XXYLT1: variants seen among roughly 807,000 people sequenced by gnomAD.
The protein encoded by XXYLT1 is UDP-xylose:alpha-xyloside alpha-1,3-xylosyltransferase.
A neutral mutation model predicts 28.9 loss-of-function variants in XXYLT1; 20 were observed. That is an observed-to-expected ratio of 0.69 (90% CI 0.49 to 1.00). The LOEUF (loss-of-function observed/expected upper bound fraction) is 1.00, where lower values mean the gene tolerates loss of function less well. XXYLT1 is among the 50% of genes least tolerant of loss of function. XXYLT1 has a pLI of 0.00. For missense variants in XXYLT1, 542 were observed against 560.1 expected (o/e 0.97, Z 0.33); for synonymous variants, 257 against 253.8 (o/e 1.01, Z -0.12).
intron 3 of XXYLT1, chr3:195,134,641 A>G (rs1719072532): frequency 6.4e-6 from 1 of 155,912 alleles, no homozygotes; most frequent in Non-Finnish European, 1.5e-5. Flanking sequence ...GACAAGATTA[A>G]TCTTCAGGAT....
Position 195,176,766 on chromosome 3 carries a change from T to C in XXYLT1, c.653-20185A>G, listed in dbSNP as rs551488848. Among the ~76,000 whole-genome samples, 7 of 152,144 alleles carry C rather than the reference T, an allele frequency of 4.6e-5. No individual in the cohort carries two copies. Among genetic ancestry groups the C allele is most frequent in the Non-Finnish European group, 1.0e-4 (7 of 68,024 alleles). On this transcript the variant is annotated intron_variant, in intron 2 of 3. Transcript: ENST00000310380. This position sits in a 1 kb window ranked among gnomAD's most constrained non-coding sequence, Gnocchi z 4.9. ...AGATGTTTGGGGTTGGAATTGACAA[T>C]ATGAAAAGCTCAGTAAGAAGACGCA...
chr3:195,263,643 CT>C (rs1356589373), intron 1 of XXYLT1, among the ~76,000 whole-genome samples: 1 of 152,154 alleles, frequency 6.6e-6, no homozygotes, highest in Admixed American at 6.5e-5. Context: ...AATATCTTTC[CT>C]TTCTAAATTA....
intron 1 of XXYLT1, among the ~76,000 whole-genome samples, chr3:195,252,183 T>C (rs1191819777): frequency 6.6e-6 from 1 of 152,262 alleles, no homozygotes. Flanking sequence ...ATATATATTT[T>C]ATGCATACAT....
intron 2 of XXYLT1, chr3:195,183,523 G>T (rs1722045645): frequency 6.6e-6 from 1 of 152,220 alleles, no homozygotes. Flanking sequence ...GACGAATACA[G>T]TGTGTCTCCC....
chr3:195,250,552 G>A (rs555065590), intron 1 of XXYLT1, among the ~76,000 whole-genome samples: 1 of 145,186 alleles, frequency 6.9e-6, no homozygotes, highest in South Asian at 2.2e-4. Context: ...CGGCAAGAGT[G>A]CAACTCCATC....
At position 195,262,234 on chromosome 3, in the gene XXYLT1, A is replaced by G. The variant is rs1344766413; in HGVS notation, c.504+8321T>C. On this transcript the variant is annotated intron_variant, in intron 1 of 3. Transcript: ENST00000310380. ...TAGGCTAAAAGAAGCCAGACACAAA[A>G]GACCACATATTAGCTGAGCCCACTT... Among the ~76,000 whole-genome samples, 3 of 152,246 alleles carry G rather than the reference A, an allele frequency of 2.0e-5. No homozygotes were observed. The East Asian group carries it at 5.8e-4, about 29-fold the overall frequency.
intron 3 of XXYLT1, among the ~76,000 whole-genome samples, chr3:195,109,423 GT>G (rs761556591): frequency 1.4e-4 from 21 of 150,784 alleles, no homozygotes; most frequent in Admixed American, 3.3e-4. Flanking sequence ...TGGTGTGTGT[GT>G]TGGTGGTGTA....
intron 3 of XXYLT1, among the ~76,000 whole-genome samples, chr3:195,109,809 A>AGTGTGTGTGTG (rs1368737350): frequency 0.13 from 3,763 of 28,844 alleles, 1,043 homozygotes; most frequent in African/African-American, 0.34. Flanking sequence ...GTGGTGTATG[A>AGTGTGTGTGTG]GTGTGTGTGT....
Position 195,124,792 on chromosome 3 carries a change from A to C in XXYLT1, c.785+31657T>G, listed in dbSNP as rs948444597. On this transcript the variant is annotated intron_variant, in intron 3 of 3. Transcript: ENST00000310380. This position sits in a 1 kb window ranked among gnomAD's most constrained non-coding sequence, Gnocchi z 4.1. ...CCAGGTTCCAGGGACCACAACTCCC[A>C]CTAGAGCCAAGCAGCGTACGGACAG... Among the ~76,000 whole-genome samples, 1 of 152,126 alleles carries C rather than the reference A, an allele frequency of 6.6e-6. No individual in the cohort carries two copies. The highest frequency in any genetic ancestry group is 6.5e-5 in the Admixed American group (1 of 15,276).
At chr3:195,109,385 TAA>T (rs2108688739) in intron 3 of XXYLT1, among the ~76,000 whole-genome samples, 1 of 76,012 alleles carries the variant, frequency 1.3e-5, no homozygotes, top group East Asian at 2.3e-4. Flanking sequence ...GTGTAGTGTA[TAA>T]GTGTGCATGT....
intron 2 of XXYLT1, among the ~76,000 whole-genome samples, chr3:195,223,885 G>A (rs1577166658): frequency 6.6e-6 from 1 of 152,294 alleles, no homozygotes; most frequent in African/African-American, 2.4e-5. Flanking sequence ...TGCCGGGCGC[G>A]GTGGCTCATG....
At position 195,175,868 on chromosome 3, in the gene XXYLT1, C is replaced by T. The variant is rs943950540; in HGVS notation, c.653-19287G>A. The T allele has an allele frequency of 1.2e-5, 17 of 1,410,102 alleles. No individual in the cohort carries two copies. The East Asian group carries it at 4.2e-4, about 35-fold the overall frequency. The allele number at this position is 1,410,102 out of a possible 1,614,324, so 87.3% of individuals were successfully genotyped here. ...AGGAAGATGTCCTAGAAAGCCAATG[C>T]ATCCAGTGTGACATTTGTGTGGGAA... On this transcript the variant is annotated intron_variant, in intron 2 of 3. Transcript: ENST00000310380.
intron 3 of XXYLT1, among the ~76,000 whole-genome samples, chr3:195,142,043 T>A (rs1373274786): frequency 6.6e-6 from 1 of 152,256 alleles, no homozygotes; most frequent in African/African-American, 2.4e-5. Flanking sequence ...GAGAACACGA[T>A]GCTGACCCCA....
chr3:195,147,874 G>C (rs1719951121), intron 3 of XXYLT1: 1 of 152,228 alleles, frequency 6.6e-6, no homozygotes, highest in Non-Finnish European at 1.5e-5. Flanking sequence ...TGTCAGGCAC[G>C]ACGTGGTGAA....
intron 2 of XXYLT1, among the ~76,000 whole-genome samples, chr3:195,215,283 C>T (rs1161594317): frequency 2.1e-5 from 3 of 142,984 alleles, no homozygotes; most frequent in Non-Finnish European, 4.6e-5. Flanking sequence ...AAATAACCAG[C>T]TAACATCATA....
intron 1 of XXYLT1, among the ~76,000 whole-genome samples, chr3:195,241,067 C>T (rs1351615903): frequency 6.6e-6 from 1 of 152,258 alleles, no homozygotes; most frequent in Admixed American, 6.5e-5. Flanking sequence ...CTCCCACTCT[C>T]CCACTCTCAG....
At chr3:195,252,820 A>G (rs898343584) in intron 1 of XXYLT1, among the ~76,000 whole-genome samples, 3 of 152,138 alleles carry the variant, frequency 2.0e-5, no homozygotes, top group Admixed American at 6.5e-5. Context: ...TACAAAAGAA[A>G]TATGACTATA....
At chr3:195,191,936 G>C (rs73890718) in intron 2 of XXYLT1, among the ~76,000 whole-genome samples, 7,807 of 152,220 alleles carry the variant, frequency 0.051, 614 homozygotes, top group African/African-American at 0.18. Flanking sequence ...CCCTACTCTT[G>C]ATAATTGATG....
chr3:195,174,279 G>A (rs74840877), intron 2 of XXYLT1, among the ~76,000 whole-genome samples: 4,278 of 152,190 alleles, frequency 0.028, 204 homozygotes, highest in African/African-American at 0.098. Flanking sequence ...GGAAACACAC[G>A]GGCTCTCTTC....
Sources: allele counts gnomAD v4.1 joint callset (sites outside exome capture counted in the v4.1 genomes callset), GRCh38; gene constraint gnomAD v4.1.1; non-coding constraint Gnocchi (gnomAD v3.1); transcripts MANE v1.5; gene names NCBI Gene and HGNC (gene_info 2026-07-23, HGNC 2026-07-21).